Variants in AVIL observed in about 807,000 individuals in gnomAD.
The protein encoded by AVIL is advillin.
In AVIL, 78 loss-of-function variants were observed where a neutral mutation model predicts 109.9. The ratio of observed to expected loss-of-function variants is 0.71; its 90% CI spans 0.59 to 0.86. The LOEUF is 0.86. Ranked by LOEUF, AVIL falls within the 40% of genes least tolerant of loss-of-function variation. The pLI, the probability that AVIL is intolerant of heterozygous loss-of-function variation, is 0.00. For missense variants in AVIL, 892 were observed against 1,016.5 expected (o/e 0.88, Z 1.67); for synonymous variants, 367 against 379.1 (o/e 0.97, Z 0.37).
intron 4 of AVIL, among the ~76,000 whole-genome samples, chr12:57,812,686 T>C (rs1956052671): frequency 6.6e-6 from 1 of 150,972 alleles, no homozygotes; most frequent in Non-Finnish European, 1.5e-5. Flanking sequence ...AAACAGAAAT[T>C]GGCATTCTGT....
chr12:57,810,249 C>G, intron 7 of AVIL, 100 bp downstream of exon 7: 1 of 1,304,608 alleles, frequency 7.7e-7, no homozygotes, highest in Non-Finnish European at 1.1e-6. Flanking sequence ...AACCAGATGG[C>G]TACACCCAAA....
chr12:57,815,492 T>C lies in AVIL; in HGVS notation c.66+483A>G, dbSNP rs995869023. 1.7e-5 allele frequency: 17 copies of C among 1,023,204 alleles called. No individual in the cohort carries two copies. In the South Asian group the frequency reaches 2.0e-4, roughly 12 times the overall value. 63.4% of individuals were successfully genotyped at this position (1,023,204 alleles called of 1,614,324 possible). On this transcript the variant is annotated intron_variant, in intron 2 of 19. Coordinates refer to ENST00000549994, the MANE Select transcript of AVIL (RefSeq NM_006576.4). Reference sequence around the variant, plus strand: ...GGCCAGGGTGGTTCCCAGCTATGGATTGCTGGAGCTCACAGCCGCACAGAG... The same window carrying C: ...GGCCAGGGTGGTTCCCAGCTATGGACTGCTGGAGCTCACAGCCGCACAGAG...
At chr12:57,813,189 C>A (rs760077269) in intron 4 of AVIL, 38 bp downstream of exon 4, 1 of 1,564,244 alleles carries the variant, frequency 6.4e-7, no homozygotes, top group East Asian at 2.3e-5. Flanking sequence ...CCTCTGTAAA[C>A]TGCTGTTTCT....
Position 57,810,998 on chromosome 12 carries a change from CAG to C in AVIL, c.447+19_447+20del. The C allele has an allele frequency of 6.2e-7, 1 of 1,614,014 alleles. No individual in the cohort carries two copies. The highest frequency in any genetic ancestry group is 8.5e-7 in the Non-Finnish European group (1 of 1,179,892). On this transcript the variant is annotated intron_variant, in intron 5 of 19. Transcript: ENST00000549994. ...AGGTGGAGAAGCCCCGGGCCTGGGGCAGAGAGTGTGCAGGACTAACCTCGGTA... is the reference window on the plus strand; with the variant it reads ...AGGTGGAGAAGCCCCGGGCCTGGGGCAGAGTGTGCAGGACTAACCTCGGTA...
Position 57,815,215 on chromosome 12 carries a change from G to A in AVIL, c.66+760C>T, listed in dbSNP as rs567017693. Reference sequence around the variant, plus strand: ...GATCCACCCGCCTCAGCCTCCCAGAGTGCTGGGATTACAGGCGTGAGCCAC... The same window carrying A: ...GATCCACCCGCCTCAGCCTCCCAGAATGCTGGGATTACAGGCGTGAGCCAC... On this transcript the variant is annotated intron_variant, in intron 2 of 19. Transcript: ENST00000549994. 2.9e-4 allele frequency among the ~76,000 whole-genome samples: 44 copies of A among 152,324 alleles called. 1 individual carries two copies. Among genetic ancestry groups the A allele is most frequent in the African/African-American group, 1.1e-3 (44 of 41,576 alleles).
Position 57,810,200 on chromosome 12 carries a change from A to G in AVIL, c.761+149T>C, listed in dbSNP as rs942675224. ...TGCCTCCTTGAGTGGGGGATCTCCA[A>G]GCTTTCTAGGAGCTGCATTTGAAAA... is the stretch of plus-strand genomic sequence containing the variant. On this transcript the variant is annotated intron_variant, in intron 7 of 19. Transcript: ENST00000549994. 8 of 861,612 alleles carry G rather than the reference A, an allele frequency of 9.3e-6. No individual in the cohort carries two copies. In the African/African-American group the frequency reaches 1.0e-4, roughly 11 times the overall value. 53.4% of individuals were successfully genotyped at this position (861,612 alleles called of 1,614,324 possible).
Position 57,807,675 on chromosome 12 carries a change from C to G in AVIL, c.1247G>C (p.Gly416Ala), listed in dbSNP as rs1346902098. Reference protein sequence around the residue: ...ELVPVEYQWYGFFYGGDCYLV... With the variant: ...ELVPVEYQWYAFFYGGDCYLV... ...ATAACAGTCTCCCCCATAAAAGAAG[C>G]CATACCATTGATACTCCACAGGGAC... is the stretch of plus-strand genomic sequence containing the variant. Residue 416 changes from glycine to alanine, a missense_variant, in exon 12 of 20, where the codon GGC becomes GCC. Coordinates refer to ENST00000549994, the MANE Select transcript of AVIL (RefSeq NM_006576.4). 1 of 1,614,000 alleles carries G rather than the reference C, an allele frequency of 6.2e-7. No individual in the cohort carries two copies. Among genetic ancestry groups the G allele is most frequent in the Non-Finnish European group, 8.5e-7 (1 of 1,180,046 alleles).
chr12:57,809,899 G>A lies in AVIL; in HGVS notation c.762-9C>T, dbSNP rs769113139. On this transcript the variant is annotated splice_polypyrimidine_tract_variant and intron_variant, in intron 7 of 19. Transcript: ENST00000549994. The stretch of plus-strand genomic sequence containing the variant: ...CAGCTGAATCTGAGATACTGGAGAA[G>A]GGGAGAGGTTAGCCTGTGCCTTTTC... The A allele has an allele frequency of 2.2e-5, 35 of 1,613,876 alleles. No homozygotes were observed. The South Asian group carries it at 3.6e-4, about 17-fold the overall frequency.
At chr12:57,810,297 A>G in intron 7 of AVIL, 52 bp downstream of exon 7, 1 of 1,592,048 alleles carries the variant, frequency 6.3e-7, no homozygotes, top group Non-Finnish European at 8.6e-7. Flanking sequence ...GTTCTAGGGG[A>G]CACCTTCCCC....
chr12:57,818,187 T>C (rs1956120782), intron 1 of AVIL, among the ~76,000 whole-genome samples: 2 of 104,414 alleles, frequency 1.9e-5, no homozygotes, highest in Non-Finnish European at 3.9e-5. Context: ...CTTGGCTTTT[T>C]TTTTTTTTTT....
intron 13 of AVIL, 36 bp downstream of exon 13, chr12:57,807,295 C>G (rs895792781): frequency 2.2e-5 from 36 of 1,613,818 alleles, no homozygotes; most frequent in Non-Finnish European, 3.0e-5. Context: ...TTGGAACGTT[C>G]CAGCTCATGG....
In AVIL at chr12:57,813,875, T is replaced by A. The variant is rs545903988; in HGVS notation, c.141+277A>T. ...TATCAGGCCTTCTTCCACACCACTT[T>A]AATGTGGGGCCTAGGCCCGGGAGAA... is the stretch of plus-strand genomic sequence containing the variant. On this transcript the variant is annotated intron_variant, in intron 3 of 19. Transcript: ENST00000549994. Among the ~76,000 whole-genome samples the A allele has an allele frequency of 1.4e-4, 22 of 152,208 alleles. No homozygotes were observed. The South Asian group carries it at 3.5e-3, about 24-fold the overall frequency.
chr12:57,808,266 C>G lies in AVIL; in HGVS notation c.1122G>C (p.Val374=). Residue 374 remains valine, a synonymous_variant, in exon 11 of 20, where the codon GTG becomes GTC. Coordinates refer to ENST00000549994, the MANE Select transcript of AVIL (RefSeq NM_006576.4). ...CCTCTGGCTTGGTGTGTAGCAGAGTCACATCAAATTTATCCTGGAAAACTT... is the reference window on the plus strand; with the variant it reads ...CCTCTGGCTTGGTGTGTAGCAGAGTGACATCAAATTTATCCTGGAAAACTT... ...IAKVFQDKFD[V]TLLHTKPEVA... 6.2e-7 allele frequency: 1 copy of G among 1,614,164 alleles called. No homozygotes were observed. The highest frequency in any genetic ancestry group is 1.3e-5 in the African/African-American group (1 of 75,020).
Position 57,802,361 on chromosome 12 carries a change from A to G in AVIL, c.1963-13T>C. 5.6e-6 allele frequency: 9 copies of G among 1,599,442 alleles called. No homozygotes were observed. The highest frequency in any genetic ancestry group is 7.7e-6 in the Non-Finnish European group (9 of 1,171,900). ...TCCACAAGAACACCTGTTAAGGTGG[A>G]GATTTAATATATGTTACTGTGTTCA... On this transcript the variant is annotated splice_polypyrimidine_tract_variant and intron_variant, in intron 16 of 19. Transcript: ENST00000549994.
chr12:57,801,225 G>A lies in AVIL; in HGVS notation c.2152-13C>T. 6.2e-7 allele frequency: 1 copy of A among 1,610,708 alleles called. No individual in the cohort carries two copies. ...ATGTTTTTCCTGCCTGAGAAGAAGA[G>A]AGAGAAAACACAGGATGAGGTCTTT... On this transcript the variant is annotated splice_polypyrimidine_tract_variant and intron_variant, in intron 17 of 19. Coordinates refer to ENST00000549994, the MANE Select transcript of AVIL (RefSeq NM_006576.4).
intron 9 of AVIL, 111 bp from the exon 10 acceptor site, chr12:57,808,659 G>T: frequency 1.6e-6 from 2 of 1,281,796 alleles, no homozygotes; most frequent in South Asian, 1.6e-5. Context: ...TCTCCCCTCT[G>T]GGAGTCAGAG....
chr12:57,803,412 G>T, intron 15 of AVIL, 21 bp from the exon 16 acceptor site: 1 of 1,614,128 alleles, frequency 6.2e-7, no homozygotes, highest in Non-Finnish European at 8.5e-7. Context: ...GTCCATTTAA[G>T]GGCATCAAGC....
At chr12:57,809,349 G>A (rs1432447050) in intron 9 of AVIL, among the ~76,000 whole-genome samples, 1 of 152,166 alleles carries the variant, frequency 6.6e-6, no homozygotes, top group African/African-American at 2.4e-5. Flanking sequence ...CCTAGGAGAT[G>A]GGTATGACCC....
At chr12:57,817,137 T>C (rs930173988) in intron 1 of AVIL, among the ~76,000 whole-genome samples, 4 of 152,084 alleles carry the variant, frequency 2.6e-5, no homozygotes, top group Non-Finnish European at 4.4e-5. Flanking sequence ...CTCAAGGAGC[T>C]TGAAATCTGA....
Sources: allele counts gnomAD v4.1 joint callset (sites outside exome capture counted in the v4.1 genomes callset), GRCh38; gene constraint gnomAD v4.1.1; transcripts MANE v1.5; gene names NCBI Gene and HGNC (gene_info 2026-07-23, HGNC 2026-07-21).